Variants in LDB3 observed in about 807,000 individuals in gnomAD.
LDB3 encodes the protein LIM domain binding 3.
LDB3 carries 49 observed loss-of-function variants against 69.0 expected under a neutral mutation model. The ratio of observed to expected loss-of-function variants is 0.71; its 90% confidence interval spans 0.56 to 0.90. LDB3 has a LOEUF of 0.90. Among genes scored for constraint, LDB3 ranks in the 40% least tolerant of loss-of-function variants. LDB3 has a pLI of 0.00. For missense variants in LDB3, 928 were observed against 974.1 expected (o/e 0.95, Z 0.63); for synonymous variants, 387 against 396.2 (o/e 0.98, Z 0.28).
At chr10:86,690,712 C>T (rs1001929628) in intron 5 of LDB3, among the ~76,000 whole-genome samples, 3 of 152,232 alleles carry the variant, frequency 2.0e-5, no homozygotes, top group African/African-American at 7.2e-5. Flanking sequence ...AAGGGAGAGG[C>T]AGGCAGAAGA....
rs1846367641 is a variant in LDB3 at position 86,704,406 on chromosome 10, A to T, written c.897-2125A>T. On this transcript the variant is annotated intron_variant, in intron 7 of 13. Transcript: ENST00000361373. Reference sequence around the variant, plus strand: ...GGAGGTTTAAATGATAAAATTGAGTAATAGGGTAATTTCTTTTTTTTTTTT... The same window carrying T: ...GGAGGTTTAAATGATAAAATTGAGTTATAGGGTAATTTCTTTTTTTTTTTT... Among the ~76,000 whole-genome samples, 3 of 151,898 alleles carry T rather than the reference A, an allele frequency of 2.0e-5. No individual in the cohort carries two copies. The South Asian group carries it at 6.2e-4, about 31-fold the overall frequency.
chr10:86,679,267 G>A (rs538359665), intron 2 of LDB3, 100 bp from the exon 3 acceptor site: 96 of 1,437,720 alleles, frequency 6.7e-5, no homozygotes, highest in East Asian at 4.8e-4. Context: ...ACACAATGAC[G>A]GCTTCTGTTG....
chr10:86,710,374 G>A (rs1359487039), intron 9 of LDB3: 1 of 540,118 alleles, frequency 1.9e-6, no homozygotes, highest in Admixed American at 6.4e-5. Flanking sequence ...AGGATCGCCT[G>A]AGGTCGGGAG....
At chr10:86,719,581 G>C (rs1847002384) in intron 12 of LDB3, among the ~76,000 whole-genome samples, 1 of 152,130 alleles carries the variant, frequency 6.6e-6, no homozygotes, top group Non-Finnish European at 1.5e-5. Context: ...AACCTTCTCT[G>C]AGCCTTACTT....
At chr10:86,731,317 C>T (rs1423030797) in intron 13 of LDB3, among the ~76,000 whole-genome samples, 6 of 149,428 alleles carry the variant, frequency 4.0e-5, no homozygotes, top group Non-Finnish European at 4.4e-5. Context: ...CTCCGTCTTC[C>T]GGGTTCAAGT....
chr10:86,695,393 G>A (rs1021310353), intron 7 of LDB3, among the ~76,000 whole-genome samples: 47 of 152,296 alleles, frequency 3.1e-4, no homozygotes, highest in Admixed American at 2.1e-3. Flanking sequence ...TCTGTGTCTG[G>A]TAGCACGTAG....
chr10:86,694,579 G>A lies in LDB3; in HGVS notation c.896+2008G>A, dbSNP rs143074777. Among the ~76,000 whole-genome samples, 50 of 152,308 alleles carry A rather than the reference G, an allele frequency of 3.3e-4. 5 individuals are homozygous for A. Among genetic ancestry groups the A allele is most frequent in the African/African-American group, 1.2e-3 (50 of 41,572 alleles). On this transcript the variant is annotated intron_variant, in intron 7 of 13. Transcript: ENST00000361373. ...CCCAGCCAGCCTCTGCCCAGGTCTG[G>A]AGGGGCTCCTCTCCCTTCTTCTGAC...
Position 86,687,369 on chromosome 10 carries a change from T to C in LDB3, c.690-4527T>C, listed in dbSNP as rs1845540490. Reference sequence around the variant, plus strand: ...CGGGACCAGCTTTCTTCCCTCACGTTGGACCTCCTGGAGGCATGGCCCTTG... The same window carrying C: ...CGGGACCAGCTTTCTTCCCTCACGTCGGACCTCCTGGAGGCATGGCCCTTG... On this transcript the variant is annotated intron_variant, in intron 5 of 13. Transcript: ENST00000361373. The C allele has an allele frequency of 2.5e-6, 3 of 1,207,230 alleles. No homozygotes were observed. In the African/African-American group the frequency reaches 4.5e-5, roughly 18 times the overall value. 74.8% of individuals were successfully genotyped at this position (1,207,230 alleles called of 1,614,324 possible).
At chr10:86,719,939 A>G (rs538337494) in intron 12 of LDB3, among the ~76,000 whole-genome samples, 3 of 152,358 alleles carry the variant, frequency 2.0e-5, no homozygotes, top group Admixed American at 6.5e-5. Context: ...AGGCTAAGAC[A>G]GTAGAACCAG....
upstream of LDB3, among the ~76,000 whole-genome samples, chr10:86,667,452 C>G (rs34346910): frequency 6.6e-6 from 1 of 152,134 alleles, no homozygotes; most frequent in Non-Finnish European, 1.5e-5. Flanking sequence ...GCCCAAAGAC[C>G]GCACTGGCAG....
At chr10:86,703,144 A>G (rs114721547) in intron 7 of LDB3, among the ~76,000 whole-genome samples, 2,455 of 152,270 alleles carry the variant, frequency 0.016, 54 homozygotes, top group African/African-American at 0.049. Context: ...CCCAGCCTGG[A>G]CACTGTCATT....
intron 7 of LDB3, among the ~76,000 whole-genome samples, chr10:86,697,979 A>G (rs1212975965): frequency 1.3e-5 from 2 of 152,232 alleles, no homozygotes; most frequent in Non-Finnish European, 2.9e-5. Flanking sequence ...ATGAAAGCAC[A>G]ATATCACAAC....
chr10:86,696,402 C>T (rs1846001314), intron 7 of LDB3, among the ~76,000 whole-genome samples: 1 of 152,230 alleles, frequency 6.6e-6, no homozygotes, highest in Admixed American at 6.5e-5. Context: ...GATGTTGCCC[C>T]AGGTGCCGCT....
At chr10:86,710,392 C>A in intron 9 of LDB3, 2 of 350,574 alleles carry the variant, frequency 5.7e-6, no homozygotes, top group Non-Finnish European at 8.0e-6. Flanking sequence ...GAGTTTGAGA[C>A]CGCCGGGGCC....
chr10:86,714,280 C>G (rs1846779674), intron 9 of LDB3, among the ~76,000 whole-genome samples: 1 of 152,286 alleles, frequency 6.6e-6, no homozygotes, highest in Non-Finnish European at 1.5e-5. Context: ...TATCAAGACT[C>G]CACAGCAGGG....
chr10:86,710,832 C>T (rs1846622579), intron 9 of LDB3, among the ~76,000 whole-genome samples: 2 of 152,172 alleles, frequency 1.3e-5, no homozygotes, highest in Non-Finnish European at 2.9e-5. Context: ...GGCTTTTGCC[C>T]GAGACAGAGG....
chr10:86,692,161 T>A, intron 6 of LDB3, 96 bp downstream of exon 6: 1 of 1,396,032 alleles, frequency 7.2e-7, no homozygotes, highest in Admixed American at 1.9e-5. Context: ...GGAGTCCTGC[T>A]ACCTGCCCTT....
rs148091603 is a variant in LDB3 at position 86,693,076 on chromosome 10, T to C, written c.896+505T>C. 4.8e-3 allele frequency among the ~76,000 whole-genome samples: 716 copies of C among 148,600 alleles called. 5 individuals are homozygous for C. The highest frequency in any genetic ancestry group is 8.3e-3 in the Non-Finnish European group (557 of 67,322). On this transcript the variant is annotated intron_variant, in intron 7 of 13. Coordinates refer to ENST00000361373, the MANE Select transcript of LDB3 (RefSeq NM_007078.3). ...GTTCTGTAAGTTGCTCAAAGCAAAATAGTTGCTGAAAAAAAAAGAACAAGC... is the reference window on the plus strand; with the variant it reads ...GTTCTGTAAGTTGCTCAAAGCAAAACAGTTGCTGAAAAAAAAAGAACAAGC...
At chr10:86,675,668 G>T (rs2132346064) in intron 2 of LDB3, among the ~76,000 whole-genome samples, 1 of 152,378 alleles carries the variant, frequency 6.6e-6, no homozygotes, top group African/African-American at 2.4e-5. Flanking sequence ...AAGTATGCTG[G>T]TACCTGCAAC....
Sources: gnomAD v4.1 joint callset for allele counts (sites outside exome capture counted in the v4.1 genomes callset) on GRCh38, gnomAD v4.1.1 for gene constraint, MANE v1.5 for transcripts, NCBI Gene and HGNC (gene_info 2026-07-23, HGNC 2026-07-21) for gene names.